PVT1: variants seen among roughly 807,000 people sequenced by gnomAD.
PVT1 encodes the protein CXCR4/PVT1 fusion.
chr8:127,964,157 G>A (rs1033024804), intron 3 of PVT1, among the ~76,000 whole-genome samples: 2 of 152,226 alleles, frequency 1.3e-5, no homozygotes, highest in Non-Finnish European at 2.9e-5. Flanking sequence ...AGAGGGGCAA[G>A]TCAGCCATGC....
At chr8:128,026,838 A>G (rs1382918669) in intron 4 of PVT1, among the ~76,000 whole-genome samples, 1 of 152,142 alleles carries the variant, frequency 6.6e-6, no homozygotes, top group Non-Finnish European at 1.5e-5. Flanking sequence ...TCATTTACCA[A>G]ATGAGAAGAC....
chr8:127,835,721 G>A (rs991390717), intron 2 of PVT1, among the ~76,000 whole-genome samples: 3 of 152,158 alleles, frequency 2.0e-5, no homozygotes, highest in African/African-American at 4.8e-5. Context: ...GAGTGAATGA[G>A]CATTCTCTGA....
rs141699302 is a variant in PVT1, at chr8:127,893,041, C to T, written n.782+2043C>T. On this transcript the variant is annotated intron_variant and non_coding_transcript_variant, in intron 3 of 10. Transcript: ENST00000651587. ...GTGGTGGTCTGGGTTATCTCCCACT[C>T]TTCACAGTAGGGCCAGAGTGGGCTC... is the stretch of plus-strand genomic sequence containing the variant. 3.2e-3 allele frequency among the ~76,000 whole-genome samples: 487 copies of T among 152,268 alleles called. 5 individuals carry two copies. In the East Asian group the frequency reaches 0.04, roughly 13 times the overall value.
At chr8:128,082,729 C>T (rs901456211) in intron 5 of PVT1, 1 of 152,236 alleles carries the variant, frequency 6.6e-6, no homozygotes. Context: ...AAGCTTATTA[C>T]TCCTTTCCTT....
intron 4 of PVT1, among the ~76,000 whole-genome samples, chr8:128,018,551 G>A (rs559512620): frequency 5.4e-4 from 83 of 152,316 alleles, no homozygotes; most frequent in African/African-American, 1.8e-3. Context: ...AGGGAGATAG[G>A]TACCGAAACG....
chr8:127,865,035 G>T (rs1354972639), intron 2 of PVT1, among the ~76,000 whole-genome samples: 3 of 152,210 alleles, frequency 2.0e-5, no homozygotes, highest in South Asian at 2.1e-4. Flanking sequence ...TAGACGGCAG[G>T]CCTGCTTGAA....
chr8:127,936,034 CTTTTTTTTTTTTTTTT>C (rs937905808), intron 3 of PVT1, among the ~76,000 whole-genome samples: 1 of 101,270 alleles, frequency 9.9e-6, no homozygotes, highest in Non-Finnish European at 1.9e-5. Context: ...CTCTCTCTCT[CTTTTTTTTTTTTTTTT>C]TTTTTTTTAC....
intron 2 of PVT1, among the ~76,000 whole-genome samples, chr8:127,846,006 A>C (rs1010113624): frequency 6.6e-6 from 1 of 152,216 alleles, no homozygotes; most frequent in Non-Finnish European, 1.5e-5. Flanking sequence ...TGGCCCTGTC[A>C]GCCCTGAGCT....
intron 2 of PVT1, chr8:127,803,694 G>C (rs1305443876): frequency 6.5e-6 from 1 of 153,234 alleles, no homozygotes; most frequent in African/African-American, 2.4e-5. Flanking sequence ...AGACCAGCCT[G>C]GGCAACATAG....
intron 4 of PVT1, among the ~76,000 whole-genome samples, chr8:128,060,331 C>G (rs899733247): frequency 6.6e-6 from 1 of 152,154 alleles, no homozygotes; most frequent in Non-Finnish European, 1.5e-5. Flanking sequence ...CCTTCCACCA[C>G]TCTAGTCTCC....
intron 6 of PVT1, among the ~76,000 whole-genome samples, chr8:128,098,939 G>A (rs1224220451): frequency 6.6e-6 from 1 of 152,184 alleles, no homozygotes; most frequent in East Asian, 1.9e-4. Context: ...GCTAACATTT[G>A]TGAGTGAGTT....
intron 3 of PVT1, among the ~76,000 whole-genome samples, chr8:127,908,402 C>T (rs908051019): frequency 4.4e-4 from 66 of 148,930 alleles, no homozygotes; most frequent in Admixed American, 2.5e-3. Flanking sequence ...AGTACAGTGG[C>T]GTGATATTGA....
intron 4 of PVT1, among the ~76,000 whole-genome samples, chr8:128,058,365 A>C (rs1224572085): frequency 1.3e-5 from 2 of 148,220 alleles, no homozygotes; most frequent in Non-Finnish European, 3.0e-5. Context: ...TAACTAATTA[A>C]ACAAACTGAT....
intron 3 of PVT1, chr8:127,932,762 T>TAG (rs869243548): frequency 1.1e-5 from 3 of 270,398 alleles, no homozygotes; most frequent in Non-Finnish European, 2.0e-5. Flanking sequence ...TAAGCTGATA[T>TAG]ATAGTAGATA....
At chr8:127,928,709 G>A (rs1290439392) in intron 3 of PVT1, among the ~76,000 whole-genome samples, 1 of 152,164 alleles carries the variant, frequency 6.6e-6, no homozygotes, top group East Asian at 1.9e-4. Flanking sequence ...TCTGTCTCTG[G>A]CCTCCCTTCT....
At chr8:127,843,829 A>G (rs555912732) in intron 2 of PVT1, among the ~76,000 whole-genome samples, 1 of 151,874 alleles carries the variant, frequency 6.6e-6, no homozygotes, top group South Asian at 2.1e-4. Context: ...GGAGCTTTGT[A>G]CAGATTGCTT....
chr8:127,890,931 G>A (rs1295550526), exon 3 of PVT1: 1 of 152,474 alleles, frequency 6.6e-6, no homozygotes, highest in South Asian at 2.1e-4. Flanking sequence ...CCTATGGAAT[G>A]TAAGACCCCG....
chr8:127,901,820 T>G (rs1815762666), intron 3 of PVT1, among the ~76,000 whole-genome samples: 1 of 152,034 alleles, frequency 6.6e-6, no homozygotes, highest in South Asian at 2.1e-4. Context: ...CAGGCTAGTC[T>G]TAAAGTCCTG....
intron 4 of PVT1, among the ~76,000 whole-genome samples, chr8:128,013,878 T>C (rs1003279202): frequency 1.3e-5 from 2 of 152,198 alleles, no homozygotes; most frequent in African/African-American, 4.8e-5. Flanking sequence ...AAAAAGTTAT[T>C]TTTTTGACTC....
Sources: allele counts gnomAD v4.1 joint callset (sites outside exome capture counted in the v4.1 genomes callset), GRCh38; gene constraint gnomAD v4.1.1; transcripts MANE v1.5; gene names NCBI Gene and HGNC (gene_info 2026-07-23, HGNC 2026-07-21).